Variants in PREX1 observed in about 807,000 individuals in gnomAD.
PREX1 encodes phosphatidylinositol 3,4,5-trisphosphate-dependent Rac exchanger 1 protein.
In PREX1, 41 loss-of-function variants were observed where a neutral mutation model predicts 198.3. That is an observed-to-expected ratio of 0.21 (90% CI 0.16 to 0.27). The LOEUF is 0.27. Ranked by LOEUF, PREX1 falls within the 10% of genes least tolerant of loss-of-function variation. PREX1 has a pLI of 1.00. For missense variants in PREX1, 1,620 were observed against 2,200.7 expected (o/e 0.74, Z 5.28); for synonymous variants, 843 against 887.2 (o/e 0.95, Z 0.89).
chr20:48,704,267 G>A (rs1183012366), intron 6 of PREX1, among the ~76,000 whole-genome samples: 1 of 152,222 alleles, frequency 6.6e-6, no homozygotes. Context: ...GCTCTTCGAA[G>A]ACAACCTGAA....
chr20:48,636,682 G>A lies in PREX1; in HGVS notation c.3948C>T (p.Asp1316=). 4 of 1,599,956 alleles carry A rather than the reference G, an allele frequency of 2.5e-6. No homozygotes were observed. Among genetic ancestry groups the A allele is most frequent in the Non-Finnish European group, 2.6e-6 (3 of 1,173,744 alleles). The change falls in exon 32 of 40, where the codon GAC becomes GAT. Residue 1316 remains aspartate (D), a splice_region_variant and synonymous_variant. Coordinates refer to ENST00000371941, the MANE Select transcript of PREX1 (RefSeq NM_020820.4). ...QLLLALLKCT[D]TELQLRRDAI... ...CGTCTCTGCGCAGCTGCAGCTCCGTGTCTGGGGGCAGAGGGCAGGAGGCCT... is the reference window on the plus strand; with the variant it reads ...CGTCTCTGCGCAGCTGCAGCTCCGTATCTGGGGGCAGAGGGCAGGAGGCCT...
chr20:48,857,261 T>A, the PREX1 span, among the ~76,000 whole-genome samples: 2 of 152,182 alleles, frequency 1.3e-5, no homozygotes, highest in Non-Finnish European at 2.9e-5. Flanking sequence ...ACACACCTCA[T>A]CTGAGACACT....
the PREX1 span, among the ~76,000 whole-genome samples, chr20:48,873,010 A>G: frequency 6.6e-6 from 1 of 152,050 alleles, no homozygotes; most frequent in African/African-American, 2.4e-5. Context: ...AGCTTTGGCT[A>G]CATAACAAAC....
intron 39 of PREX1, 131 bp downstream of exon 39, chr20:48,627,417 G>C: frequency 9.6e-7 from 1 of 1,037,414 alleles, no homozygotes; most frequent in Non-Finnish European, 1.5e-6. Flanking sequence ...GCTCCTCAAA[G>C]AGGTTCCCCA....
chr20:48,757,334 G>A (rs2090159829), intron 1 of PREX1, among the ~76,000 whole-genome samples: 1 of 152,196 alleles, frequency 6.6e-6, no homozygotes, highest in Admixed American at 6.5e-5. Flanking sequence ...TTTGGGCAGT[G>A]TCCACCCACT....
chr20:48,659,877 G>A (rs747424026), intron 16 of PREX1, 42 bp downstream of exon 16: 5 of 1,612,050 alleles, frequency 3.1e-6, no homozygotes, highest in East Asian at 4.5e-5. Flanking sequence ...GCCTGCAGGG[G>A]GCTCTGGCAA....
intron 8 of PREX1, 39 bp downstream of exon 8, chr20:48,692,633 G>A (rs2089825257): frequency 6.0e-6 from 9 of 1,494,224 alleles, no homozygotes; most frequent in Non-Finnish European, 8.3e-6. Context: ...AGCAGGCAGG[G>A]CTCAGGCAGG....
chr20:48,882,268 G>A, the PREX1 span, among the ~76,000 whole-genome samples: 4 of 151,802 alleles, frequency 2.6e-5, no homozygotes, highest in African/African-American at 4.8e-5. Context: ...TTTGGGAGGC[G>A]GAGGCAGGCG....
At chr20:48,751,087 G>A (rs1288452873) in intron 1 of PREX1, among the ~76,000 whole-genome samples, 1 of 152,234 alleles carries the variant, frequency 6.6e-6, no homozygotes, top group African/African-American at 2.4e-5. Flanking sequence ...CAAATAGCAG[G>A]TGCTTGAAAA....
intron 1 of PREX1, among the ~76,000 whole-genome samples, chr20:48,773,124 G>A (rs956544052): frequency 6.6e-6 from 1 of 152,020 alleles, no homozygotes; most frequent in Non-Finnish European, 1.5e-5. Flanking sequence ...AAAATTATCT[G>A]GGTGAGGTGG....
intron 5 of PREX1, among the ~76,000 whole-genome samples, chr20:48,722,422 A>G (rs566103118): frequency 5.9e-5 from 9 of 152,240 alleles, no homozygotes; most frequent in Non-Finnish European, 1.3e-4. Flanking sequence ...ACAGAGGCAG[A>G]AAGTAGACAA....
At chr20:48,625,958 G>C (rs910934378) in intron 39 of PREX1, 31 bp from the exon 40 acceptor site, 7 of 1,519,428 alleles carry the variant, frequency 4.6e-6, no homozygotes, top group Non-Finnish European at 6.2e-6. Context: ...AATGAGGAGA[G>C]GCCGGGGCGG....
chr20:48,679,391 G>T lies in PREX1; in HGVS notation c.1558C>A (p.Arg520Ser), dbSNP rs770207109. ...IMSKGVRLYC[R>S]LHSLYTPVIK... The stretch of plus-strand genomic sequence containing the variant: ...ACCGGGGTGTAGAGGCTGTGAAGAC[G>T]GCAGTAAAGCCTCACACCCTGAAAG... The change falls in exon 13 of 40, where the codon CGT becomes AGT. Residue 520 changes from arginine to serine, a missense_variant. Physicochemically the swap from Arg to Ser is moderately radical, Grantham distance 110. This residue lies in a region of PREX1 where 488 missense variants were observed against 802.5 expected (regional missense o/e 0.61). Coordinates refer to ENST00000371941, the MANE Select transcript of PREX1 (RefSeq NM_020820.4). The T allele has an allele frequency of 6.2e-7, 1 of 1,613,660 alleles. No individual in the cohort carries two copies. The highest frequency in any genetic ancestry group is 8.5e-7 in the Non-Finnish European group (1 of 1,179,670).
At chr20:48,835,272 A>G in the PREX1 span, among the ~76,000 whole-genome samples, 1 of 152,230 alleles carries the variant, frequency 6.6e-6, no homozygotes, top group Non-Finnish European at 1.5e-5. Flanking sequence ...TTTGGACTCC[A>G]GGTTGAGAGA....
intron 4 of PREX1, among the ~76,000 whole-genome samples, chr20:48,729,026 C>T (rs908656476): frequency 1.1e-4 from 16 of 152,120 alleles, no homozygotes; most frequent in South Asian, 2.1e-4. Flanking sequence ...TATCCTGAGT[C>T]CTCCCTTTCT....
At chr20:48,750,968 C>T (rs1473597747) in intron 1 of PREX1, among the ~76,000 whole-genome samples, 3 of 152,234 alleles carry the variant, frequency 2.0e-5, no homozygotes, top group African/African-American at 7.2e-5. Flanking sequence ...CATAGGAATA[C>T]AGCACCTTTT....
intron 17 of PREX1, among the ~76,000 whole-genome samples, chr20:48,657,789 T>C (rs746826832): frequency 2.2e-4 from 33 of 152,096 alleles, no homozygotes; most frequent in African/African-American, 6.5e-4. Context: ...TATCCTCCTG[T>C]AGGCTTTGCA....
chr20:48,634,731 T>A lies in PREX1; in HGVS notation c.4212A>T (p.Ser1404=). 6.2e-7 allele frequency: 1 copy of A among 1,614,230 alleles called. No individual in the cohort carries two copies. The highest frequency in any genetic ancestry group is 8.5e-7 in the Non-Finnish European group (1 of 1,180,036). Reference sequence around the variant, plus strand: ...AGGAGAAGGTGACATTGTCCAGCTCTGACAGCGTCACCCAGATGTCCTCCA... The same window carrying A: ...AGGAGAAGGTGACATTGTCCAGCTCAGACAGCGTCACCCAGATGTCCTCCA... The part of the protein sequence containing the change: ...TMLEDIWVTL[S]ELDNVTFSFK... Residue 1404 remains serine (S), a synonymous_variant, in exon 33 of 40, where the codon TCA becomes TCT. Coordinates refer to ENST00000371941, the MANE Select transcript of PREX1 (RefSeq NM_020820.4).
At chr20:48,884,227 C>A in the PREX1 span, among the ~76,000 whole-genome samples, 2 of 151,632 alleles carry the variant, frequency 1.3e-5, no homozygotes, top group African/African-American at 4.8e-5. Flanking sequence ...CCAGAACAGC[C>A]AAGACAACTT....
Sources: allele counts gnomAD v4.1 joint callset (sites outside exome capture counted in the v4.1 genomes callset), GRCh38; gene constraint gnomAD v4.1.1; regional missense constraint gnomAD v4.1.1; transcripts MANE v1.5; gene names NCBI Gene and HGNC (gene_info 2026-07-23, HGNC 2026-07-21).